Variants in MYH4 observed in about 807,000 individuals in gnomAD.
MYH4 encodes the protein myosin heavy chain 4.
A neutral mutation model predicts 229.9 loss-of-function variants in MYH4; 200 were observed. That is an observed-to-expected ratio of 0.87 (90% confidence interval 0.78 to 0.98). The LOEUF (loss-of-function observed/expected upper bound fraction) is 0.98, where lower values mean the gene tolerates loss of function less well. MYH4 is among the 50% of genes least tolerant of loss of function. The pLI is 0.00. For synonymous variants in MYH4, 761 were observed against 834.6 expected, an observed-to-expected ratio of 0.91 and a Z score of 1.52; for missense variants, 2,148 against 2,332.6, an observed-to-expected ratio of 0.92 and a Z score of 1.63.
At chr17:10,450,379 TTC>T (rs2072559039) in intron 30 of MYH4, 72 bp downstream of exon 30, 1 of 1,606,568 alleles carries the variant, frequency 6.2e-7, no homozygotes, top group Non-Finnish European at 8.5e-7. Context: ...GCCCGGAATA[TTC>T]TCTTTCTTCT....
chr17:10,459,909 A>G (rs1202199651), intron 14 of MYH4, 43 bp downstream of exon 14: 1 of 1,613,390 alleles, frequency 6.2e-7, no homozygotes, highest in Admixed American at 1.7e-5. Context: ...TGCTCTAACA[A>G]GAGGATTTGC....
At chr17:10,459,929 T>A (rs753610236) in intron 14 of MYH4, 23 bp downstream of exon 14, 2 of 1,613,858 alleles carry the variant, frequency 1.2e-6, no homozygotes. Context: ...CACTGGCTAA[T>A]TTTCTGTCAG....
In MYH4 at chr17:10,466,779, G is replaced by GTA. The variant is rs2072773288; in HGVS notation, c.-36_-35dup. 6.2e-7 allele frequency: 1 copy of GTA among 1,611,668 alleles called. No homozygotes were observed. On this transcript the variant is annotated 5_prime_UTR_variant, in exon 3 of 40. Transcript: ENST00000255381. The stretch of plus-strand genomic sequence containing the variant: ...GTTATTGATGGCAGTACTGGACTAG[G>GTA]TATACCTAGAGGAAGAAACAGAGCC...
At chr17:10,453,024 G>A (rs891286753) in intron 24 of MYH4, 92 bp from the exon 25 acceptor site, 24 of 1,583,984 alleles carry the variant, frequency 1.5e-5, no homozygotes, top group African/African-American at 2.7e-5. Context: ...AAAATTTAAA[G>A]ATACAACAAA....
chr17:10,449,021 T>C lies in MYH4; in HGVS notation c.4208A>G (p.Asp1403Gly). The change falls in exon 31 of 40, where the codon GAT (aspartate) becomes GGT (glycine). Residue 1403 changes from aspartate (D) to glycine (G), a missense_variant. Coordinates refer to ENST00000255381, the MANE Select transcript of MYH4 (RefSeq NM_017533.2). ...CACAGCTTCTACATGTTCTTCTGCA[T>C]CCTGCAGACGCTGGGCTAGCTTCTT... ...AKKKLAQRLQDAEEHVEAVNS... is the reference protein window; with the variant it reads ...AKKKLAQRLQGAEEHVEAVNS... 6.2e-7 allele frequency: 1 copy of C among 1,614,150 alleles called. No individual in the cohort carries two copies. Among genetic ancestry groups the C allele is most frequent in the Non-Finnish European group, 8.5e-7 (1 of 1,180,004 alleles).
chr17:10,461,184 A>G, intron 11 of MYH4, 130 bp from the exon 12 acceptor site: 1 of 1,017,324 alleles, frequency 9.8e-7, no homozygotes, highest in Non-Finnish European at 1.5e-6. Flanking sequence ...TGCCATCTTC[A>G]AAAGGTACTC....
rs775934597 is a variant in MYH4 at position 10,457,668 on chromosome 17, G to A, written c.1649C>T (p.Ser550Phe). Residue 550 changes from serine to phenylalanine, a missense_variant, in exon 16 of 40, where the codon TCC (serine) becomes TTC (phenylalanine). Transcript: ENST00000255381. Reference protein sequence around the residue: ...ECMFPKATDTSFKNKLYEQHL... With the variant: ...ECMFPKATDTFFKNKLYEQHL... ...TTGTTCATACAGCTTGTTCTTGAAG[G>A]AGGTGTCTGTTGCCTTGGGGAACAT... 3 of 1,614,226 alleles carry A rather than the reference G, an allele frequency of 1.9e-6. No individual in the cohort carries two copies. Among genetic ancestry groups the A allele is most frequent in the Non-Finnish European group, 8.5e-7 (1 of 1,180,042 alleles).
At chr17:10,448,229 A>T (rs1313187104) in intron 33 of MYH4, 103 bp from the exon 34 acceptor site, 1 of 1,311,140 alleles carries the variant, frequency 7.6e-7, no homozygotes, top group African/African-American at 1.5e-5. Flanking sequence ...ATAAACTATC[A>T]TACGTCTTAA....
At chr17:10,450,730 T>G in intron 29 of MYH4, 47 bp downstream of exon 29, 3 of 1,609,998 alleles carry the variant, frequency 1.9e-6, no homozygotes, top group South Asian at 2.2e-5. Flanking sequence ...TAGTGTGTTA[T>G]GTTGCACGGT....
chr17:10,465,288 T>A (rs549163779), intron 5 of MYH4, among the ~76,000 whole-genome samples, 154 bp downstream of exon 5: 2 of 152,236 alleles, frequency 1.3e-5, no homozygotes, highest in African/African-American at 4.8e-5. Flanking sequence ...TTGGAACTAG[T>A]ACATTTTATT....
intron 33 of MYH4, 126 bp from the exon 34 acceptor site, chr17:10,448,252 G>T: frequency 7.8e-7 from 1 of 1,284,936 alleles, no homozygotes; most frequent in Non-Finnish European, 1.1e-6. Context: ...TAGCCTATTA[G>T]CTCTGCATTC....
chr17:10,455,259 A>G lies in MYH4; in HGVS notation c.2211T>C (p.Gly737=). Residue 737 remains glycine, a synonymous_variant, in exon 20 of 40, where the codon GGT becomes GGC. Transcript: ENST00000255381. The part of the protein sequence containing the change: ...KVLNASAIPE[G]QFIDSKKASE... ...AAGCCTTCTTGCTGTCAATGAACTG[A>G]CCCTCTGGGATAGCACTCGCATTTA... is the stretch of plus-strand genomic sequence containing the variant. 1 of 1,613,878 alleles carries G rather than the reference A, an allele frequency of 6.2e-7. No homozygotes were observed. The highest frequency in any genetic ancestry group is 8.5e-7 in the Non-Finnish European group (1 of 1,179,836).
In MYH4 at chr17:10,464,720, A is replaced by G. The variant is rs758244284; in HGVS notation, c.506-12T>C. 1.9e-6 allele frequency: 3 copies of G among 1,612,182 alleles called. No homozygotes were observed. Among genetic ancestry groups the G allele is most frequent in the Non-Finnish European group, 2.5e-6 (3 of 1,178,534 alleles). On this transcript the variant is annotated splice_polypyrimidine_tract_variant and intron_variant, in intron 5 of 39. Coordinates refer to ENST00000255381, the MANE Select transcript of MYH4 (RefSeq NM_017533.2). ...CTGGTTTTCACGATCTGTAAAAGAG[A>G]AGCCAAAGATAATATTTAGAAAAAC...
rs1235813044 is a variant in MYH4, at chr17:10,466,419, G to A, written c.205-3C>T. ...TGGTCTTCTTTCACAGTTACAGTCT[G>A]TTAAGAAAAGAAAAAACAAGTGCAT... On this transcript the variant is annotated splice_region_variant and splice_polypyrimidine_tract_variant and intron_variant, in intron 3 of 39. Transcript: ENST00000255381. The A allele has an allele frequency of 1.9e-6, 3 of 1,613,226 alleles. No individual in the cohort carries two copies. Among genetic ancestry groups the A allele is most frequent in the Admixed American group, 1.7e-5 (1 of 59,796 alleles).
At chr17:10,450,143 C>T (rs2072556052) in intron 30 of MYH4, among the ~76,000 whole-genome samples, 2 of 152,108 alleles carry the variant, frequency 1.3e-5, no homozygotes, top group South Asian at 4.2e-4. Flanking sequence ...CTCAATTTTT[C>T]CTTCTATTAA....
intron 2 of MYH4, among the ~76,000 whole-genome samples, chr17:10,468,198 T>G (rs949304870): frequency 6.6e-6 from 1 of 152,206 alleles, no homozygotes; most frequent in African/African-American, 2.4e-5. Flanking sequence ...TCTGTGTTTG[T>G]TTTTACACCA....
chr17:10,444,971 C>T lies in MYH4; in HGVS notation c.5466+5G>A, dbSNP rs376179609. 6.2e-7 allele frequency: 1 copy of T among 1,614,076 alleles called. No homozygotes were observed. The highest frequency in any genetic ancestry group is 8.5e-7 in the Non-Finnish European group (1 of 1,180,012). On this transcript the variant is annotated splice_donor_5th_base_variant and intron_variant, in intron 37 of 39. Transcript: ENST00000255381. Reference sequence around the variant, plus strand: ...AAGGAATTGAGTGAAGTTGTGGAGACCTACCCTGGCCTCCAGTTTCTGGAT... The same window carrying T: ...AAGGAATTGAGTGAAGTTGTGGAGATCTACCCTGGCCTCCAGTTTCTGGAT...
At chr17:10,469,466 T>C (rs906160234) in intron 1 of MYH4, 71 bp downstream of exon 1, 38 of 152,182 alleles carry the variant, frequency 2.5e-4, no homozygotes, top group African/African-American at 8.4e-4. Flanking sequence ...TGGGAAGCAG[T>C]AGACATCCCT....
At position 10,443,426 on chromosome 17, in the gene MYH4, C is replaced by T; in HGVS notation, c.5769G>A (p.Lys1923=). Reference sequence around the variant, plus strand: ...GAACCTCCCGACTCTTCACTCTCAGCTTGTTGACTTGGGACTCAGCAATGT... The same window carrying T: ...GAACCTCCCGACTCTTCACTCTCAGTTTGTTGACTTGGGACTCAGCAATGT... ...RADIAESQVN[K]LRVKSREVHT... Residue 1923 remains lysine, a synonymous_variant, in exon 40 of 40, where the codon AAG becomes AAA. Transcript: ENST00000255381. This position sits in a 1 kb window ranked among gnomAD's most constrained non-coding sequence, Gnocchi z 4.6. 1.2e-6 allele frequency: 2 copies of T among 1,614,176 alleles called. No homozygotes were observed. Among genetic ancestry groups the T allele is most frequent in the Non-Finnish European group, 1.7e-6 (2 of 1,180,034 alleles).
Sources: allele counts gnomAD v4.1 joint callset (sites outside exome capture counted in the v4.1 genomes callset), GRCh38; gene constraint gnomAD v4.1.1; non-coding constraint Gnocchi (gnomAD v3.1); transcripts MANE v1.5; gene names NCBI Gene and HGNC (gene_info 2026-07-23, HGNC 2026-07-21).